CLEC16A: variants seen among roughly 807,000 people sequenced by gnomAD.
CLEC16A encodes C-type lectin domain containing 16A.
Under a neutral mutation model 109.5 loss-of-function variants are expected in CLEC16A, and 51 were observed. The observed-to-expected ratio is 0.47, with a 90% CI of 0.37 to 0.59. CLEC16A has a LOEUF of 0.59. CLEC16A is among the 20% of genes least tolerant of loss of function. The pLI is 0.00. For synonymous variants in CLEC16A, 673 were observed against 564.2 expected, an observed-to-expected ratio of 1.19 and a Z score of -2.73; for missense variants, 1,339 against 1,394.0, an observed-to-expected ratio of 0.96 and a Z score of 0.63.
At chr16:10,991,788 C>T (rs151124936) in intron 10 of CLEC16A, among the ~76,000 whole-genome samples, 23 of 152,314 alleles carry the variant, frequency 1.5e-4, no homozygotes, top group East Asian at 9.7e-4. Flanking sequence ...GGTTTTGCTG[C>T]GGGATGCTTT....
At chr16:10,962,049 C>T (rs2042273519) in intron 2 of CLEC16A, among the ~76,000 whole-genome samples, 1 of 148,716 alleles carries the variant, frequency 6.7e-6, no homozygotes, top group Non-Finnish European at 1.5e-5. Context: ...AACTCCTGGG[C>T]TCAAGCGGTC....
chr16:11,110,855 C>T (rs896088740), intron 19 of CLEC16A, among the ~76,000 whole-genome samples: 2 of 152,204 alleles, frequency 1.3e-5, no homozygotes, highest in Non-Finnish European at 2.9e-5. Flanking sequence ...GGCTTTAAAC[C>T]CAGTCTGCAC....
chr16:11,177,150 C>T (rs1039995216), intron 23 of CLEC16A, among the ~76,000 whole-genome samples: 4 of 152,182 alleles, frequency 2.6e-5, no homozygotes, highest in African/African-American at 9.7e-5. Flanking sequence ...GAATTTGCCT[C>T]CAAGCAGGAT....
intron 20 of CLEC16A, among the ~76,000 whole-genome samples, chr16:11,123,053 G>A (rs1476604671): frequency 2.0e-5 from 3 of 151,898 alleles, no homozygotes; most frequent in Non-Finnish European, 2.9e-5. Context: ...ACAAGCGCAC[G>A]CCACCATGCT....
At chr16:11,095,775 G>A (rs2050571397) in intron 19 of CLEC16A, among the ~76,000 whole-genome samples, 2 of 145,618 alleles carry the variant, frequency 1.4e-5, no homozygotes, top group Admixed American at 7.1e-5. Flanking sequence ...TCGTACCGCT[G>A]CACTCCACCC....
intron 19 of CLEC16A, among the ~76,000 whole-genome samples, chr16:11,112,082 A>T (rs955821829): frequency 2.0e-4 from 31 of 152,174 alleles, no homozygotes; most frequent in African/African-American, 6.8e-4. Flanking sequence ...AATCACAAGG[A>T]GTGTCTCAGT....
chr16:10,982,575 C>G (rs906321833), intron 9 of CLEC16A, among the ~76,000 whole-genome samples: 6 of 152,174 alleles, frequency 3.9e-5, no homozygotes, highest in Non-Finnish European at 8.8e-5. Flanking sequence ...TGTTCTTTCC[C>G]GCATTGCTCC....
At position 11,174,523 on chromosome 16, in the gene CLEC16A, T is replaced by A. The variant is rs555240339; in HGVS notation, c.2807-3812T>A. 3.9e-5 allele frequency among the ~76,000 whole-genome samples: 6 copies of A among 152,342 alleles called. No homozygotes were observed. The East Asian group carries it at 1.2e-3, about 29-fold the overall frequency. ...CGACAGTCCTTCACCTTCGCGACAG[T>A]CCTTCTGAGCCAGACCTGTACAGCC... On this transcript the variant is annotated intron_variant, in intron 23 of 23. Coordinates refer to ENST00000409790, the MANE Select transcript of CLEC16A (RefSeq NM_015226.3). This position sits in a 1 kb window ranked among gnomAD's most constrained non-coding sequence, Gnocchi z 4.7.
chr16:11,124,081 G>A (rs946136628), intron 21 of CLEC16A, 135 bp downstream of exon 21: 34 of 836,278 alleles, frequency 4.1e-5, no homozygotes, highest in Non-Finnish European at 5.9e-5. Context: ...TTTTATATAC[G>A]AATACGAGGA....
intron 22 of CLEC16A, among the ~76,000 whole-genome samples, chr16:11,147,475 G>A (rs1214410342): frequency 6.6e-6 from 1 of 152,218 alleles, no homozygotes; most frequent in Non-Finnish European, 1.5e-5. Flanking sequence ...GGAGGGCAAG[G>A]TTCTCTGAAG....
At chr16:11,097,016 A>G (rs1018910617) in intron 19 of CLEC16A, among the ~76,000 whole-genome samples, 1 of 152,196 alleles carries the variant, frequency 6.6e-6, no homozygotes, top group Non-Finnish European at 1.5e-5. Flanking sequence ...ACTGTATAAC[A>G]TGCCACCATG....
At chr16:11,014,265 A>G (rs892037062) in intron 11 of CLEC16A, among the ~76,000 whole-genome samples, 3 of 152,206 alleles carry the variant, frequency 2.0e-5, no homozygotes, top group South Asian at 2.1e-4. Flanking sequence ...AAATTACTCC[A>G]TATCATTTCT....
intron 19 of CLEC16A, among the ~76,000 whole-genome samples, chr16:11,094,994 C>T (rs2050522568): frequency 6.6e-6 from 1 of 152,152 alleles, no homozygotes; most frequent in Non-Finnish European, 1.5e-5. Flanking sequence ...TTTGAAGTTT[C>T]TACTTTCTTC....
At chr16:11,034,558 G>C (rs553648202) in intron 13 of CLEC16A, among the ~76,000 whole-genome samples, 2 of 152,134 alleles carry the variant, frequency 1.3e-5, no homozygotes, top group Non-Finnish European at 2.9e-5. Context: ...CTTTGAATGA[G>C]TTAGTTGAGA....
At chr16:11,119,565 C>T (rs1328589059) in intron 19 of CLEC16A, among the ~76,000 whole-genome samples, 1 of 151,954 alleles carries the variant, frequency 6.6e-6, no homozygotes, top group South Asian at 2.1e-4. Flanking sequence ...TAATTTTTTG[C>T]ATTTTTTGTA....
intron 4 of CLEC16A, among the ~76,000 whole-genome samples, chr16:10,970,749 T>C (rs1596807096): frequency 6.6e-6 from 1 of 152,340 alleles, no homozygotes. Context: ...TGCTCTTTTT[T>C]CTTTTTTCTT....
intron 10 of CLEC16A, among the ~76,000 whole-genome samples, chr16:10,992,534 TTAAAAAA>T (rs1315761699): frequency 2.0e-5 from 3 of 151,418 alleles, no homozygotes; most frequent in African/African-American, 7.2e-5. Context: ...AATGCATCCA[TTAAAAAA>T]TAAAAAAGAA....
chr16:10,978,773 A>C (rs2043157690), intron 8 of CLEC16A, among the ~76,000 whole-genome samples: 1 of 152,206 alleles, frequency 6.6e-6, no homozygotes, highest in Non-Finnish European at 1.5e-5. Context: ...CCTGCATTCA[A>C]ATTCTGCCTC....
intron 23 of CLEC16A, among the ~76,000 whole-genome samples, chr16:11,172,481 G>C (rs78766743): frequency 0.012 from 1,897 of 152,328 alleles, 46 homozygotes; most frequent in African/African-American, 0.044. Flanking sequence ...CTACCTTGGG[G>C]AAGACAGAAA....
Sources: gnomAD v4.1 joint callset for allele counts (sites outside exome capture counted in the v4.1 genomes callset) on GRCh38, gnomAD v4.1.1 for gene constraint, Gnocchi (gnomAD v3.1) non-coding constraint, MANE v1.5 for transcripts, NCBI Gene and HGNC (gene_info 2026-07-23, HGNC 2026-07-21) for gene names.